The following RGS7 variants were observed in gnomAD, a reference collection of about 807,000 sequenced individuals.
RGS7 encodes the protein regulator of G-protein signaling 7.
Under a neutral mutation model 81.1 loss-of-function variants are expected in RGS7, and 27 were observed. The observed-to-expected ratio is 0.33, with a 90% CI of 0.25 to 0.46. The LOEUF (loss-of-function observed/expected upper bound fraction) is 0.46, where lower values mean the gene tolerates loss of function less well. Ranked by LOEUF, RGS7 falls within the 20% of genes least tolerant of loss-of-function variation. The pLI is 1.00. For missense variants in RGS7, 396 were observed against 607.4 expected (o/e 0.65, Z 3.66); for synonymous variants, 208 against 207.7 (o/e 1.00, Z -0.01).
chr1:240,982,875 G>GA lies in RGS7; in HGVS notation c.226+203dup, dbSNP rs749412829. Among the ~76,000 whole-genome samples, 55 of 152,262 alleles carry GA rather than the reference G, an allele frequency of 3.6e-4. 1 individual carries two copies. Among genetic ancestry groups the GA allele is most frequent in the African/African-American group, 8.7e-4 (36 of 41,560 alleles). On this transcript the variant is annotated intron_variant, in intron 4 of 18. Coordinates refer to ENST00000440928, the MANE Select transcript of RGS7 (RefSeq NM_001364886.1). ...AATAATATGGCAGAATTAAGGATGTGAAAAATTGTACAAATATGCTAACTT... is the reference window on the plus strand; with the variant it reads ...AATAATATGGCAGAATTAAGGATGTGAAAAAATTGTACAAATATGCTAACTT...
intron 2 of RGS7, among the ~76,000 whole-genome samples, chr1:241,256,527 TA>T (rs1474525781): frequency 1.3e-5 from 2 of 152,200 alleles, no homozygotes; most frequent in Non-Finnish European, 2.9e-5. Flanking sequence ...CAGGTTGCCA[TA>T]ACAAGAATAC....
chr1:241,089,758 C>A (rs1425223317), intron 3 of RGS7, among the ~76,000 whole-genome samples: 1 of 151,906 alleles, frequency 6.6e-6, no homozygotes, highest in African/African-American at 2.4e-5. Flanking sequence ...AGAACAGGAG[C>A]ACTTTGGGAG....
chr1:241,230,680 C>T (rs976657594), intron 2 of RGS7, among the ~76,000 whole-genome samples: 3 of 150,568 alleles, frequency 2.0e-5, no homozygotes, highest in Non-Finnish European at 4.5e-5. Context: ...AGTACAATGA[C>T]GCAGGGAAAG....
intron 9 of RGS7, among the ~76,000 whole-genome samples, chr1:240,835,849 T>C (rs1287097552): frequency 3.3e-5 from 5 of 152,174 alleles, no homozygotes; most frequent in African/African-American, 1.2e-4. Flanking sequence ...CCACAGATTG[T>C]ACGATTCCAA....
At chr1:241,176,350 A>G (rs4471261) in intron 2 of RGS7, among the ~76,000 whole-genome samples, 63,338 of 151,866 alleles carry the variant, frequency 0.42, 13,563 homozygotes, top group Middle Eastern at 0.47. Context: ...CCAGGACATT[A>G]TTTTAAAAAC....
chr1:240,918,451 A>G (rs1304970245), intron 6 of RGS7, among the ~76,000 whole-genome samples: 1 of 152,164 alleles, frequency 6.6e-6, no homozygotes, highest in African/African-American at 2.4e-5. Flanking sequence ...AAGAAGCTGG[A>G]AAATCTCAAA....
intron 4 of RGS7, among the ~76,000 whole-genome samples, chr1:240,982,422 CAAAAAAAAA>C (rs10567618): frequency 1.5e-5 from 1 of 66,214 alleles, no homozygotes; most frequent in Non-Finnish European, 2.7e-5. Context: ...AACTCTGCCT[CAAAAAAAAA>C]AAAAAAAAAA....
At chr1:240,954,898 G>T (rs1558518997) in intron 4 of RGS7, among the ~76,000 whole-genome samples, 1 of 152,132 alleles carries the variant, frequency 6.6e-6, no homozygotes, top group South Asian at 2.1e-4. Flanking sequence ...AGAATATCAA[G>T]TTTATAGGAT....
At chr1:241,293,946 T>C (rs570045338) in intron 2 of RGS7, among the ~76,000 whole-genome samples, 14 of 152,326 alleles carry the variant, frequency 9.2e-5, no homozygotes, top group African/African-American at 2.6e-4. Context: ...GCTGGATATA[T>C]ACCTAAAGGA....
At chr1:240,880,820 G>A (rs1666236935) in intron 6 of RGS7, among the ~76,000 whole-genome samples, 1 of 152,084 alleles carries the variant, frequency 6.6e-6, no homozygotes, top group South Asian at 2.1e-4. Flanking sequence ...CCAGAAAAAT[G>A]TTAATTTTTC....
intron 4 of RGS7, among the ~76,000 whole-genome samples, chr1:240,939,670 C>T (rs1038246901): frequency 3.3e-5 from 5 of 152,146 alleles, no homozygotes; most frequent in Non-Finnish European, 7.4e-5. Context: ...CTATCTCTTC[C>T]TATATGCAGC....
chr1:241,263,619 A>G (rs2077448244), intron 2 of RGS7, among the ~76,000 whole-genome samples: 1 of 152,224 alleles, frequency 6.6e-6, no homozygotes, highest in Admixed American at 6.5e-5. Flanking sequence ...CAGATAATAA[A>G]TGATAAATGT....
intron 2 of RGS7, among the ~76,000 whole-genome samples, chr1:241,296,711 G>T (rs890996297): frequency 6.6e-6 from 1 of 152,226 alleles, no homozygotes. Context: ...TCTGTGGCCT[G>T]CATGGAAATG....
chr1:240,875,664 G>T (rs1354302824), intron 6 of RGS7, among the ~76,000 whole-genome samples: 1 of 152,086 alleles, frequency 6.6e-6, no homozygotes, highest in African/African-American at 2.4e-5. Context: ...AGTGTATCAG[G>T]GTTCTCTTTT....
chr1:240,788,249 T>C (rs1467393814), intron 18 of RGS7, among the ~76,000 whole-genome samples: 1 of 152,224 alleles, frequency 6.6e-6, no homozygotes, highest in Non-Finnish European at 1.5e-5. Flanking sequence ...AGTACTTAAA[T>C]GCAGTATGCC....
intron 2 of RGS7, among the ~76,000 whole-genome samples, chr1:241,287,214 GT>G (rs762466526): frequency 6.6e-5 from 10 of 152,174 alleles, no homozygotes. Flanking sequence ...CATCAGTAGA[GT>G]TTATGACATT....
chr1:241,256,578 A>G (rs2077060110), intron 2 of RGS7, among the ~76,000 whole-genome samples: 2 of 152,124 alleles, frequency 1.3e-5, no homozygotes, highest in Admixed American at 1.3e-4. Context: ...TTTATGTCTC[A>G]CAGTTTTGAA....
chr1:241,209,607 A>G (rs2074126152), intron 2 of RGS7, among the ~76,000 whole-genome samples: 1 of 152,090 alleles, frequency 6.6e-6, no homozygotes, highest in African/African-American at 2.4e-5. Context: ...AGGCTGAGGC[A>G]GGAGGATCAC....
chr1:241,235,187 A>G (rs1315741961), intron 2 of RGS7, among the ~76,000 whole-genome samples: 1 of 152,206 alleles, frequency 6.6e-6, no homozygotes, highest in African/African-American at 2.4e-5. Flanking sequence ...CAAGCAATTA[A>G]ACAATTTTGA....
Sources: gnomAD v4.1 joint callset for allele counts (sites outside exome capture counted in the v4.1 genomes callset) on GRCh38, gnomAD v4.1.1 for gene constraint, MANE v1.5 for transcripts, NCBI Gene and HGNC (gene_info 2026-07-23, HGNC 2026-07-21) for gene names.